Variants in SLCO4C1 observed in about 807,000 individuals in gnomAD.
SLCO4C1 encodes organic anion transporter M1.
In SLCO4C1, 58 loss-of-function variants were observed where a neutral mutation model predicts 72.1. The ratio of observed to expected loss-of-function variants is 0.80; its 90% confidence interval spans 0.65 to 1.00. SLCO4C1 has a LOEUF of 1.00. Ranked by LOEUF, SLCO4C1 falls within the 50% of genes least tolerant of loss-of-function variation. The probability of loss-of-function intolerance (pLI) is 0.00; values close to 1 mark genes in which losing one functional copy is unlikely to be tolerated. For synonymous variants in SLCO4C1, 297 were observed against 312.5 expected (o/e 0.95, Z 0.52); for missense variants, 898 against 857.9 (o/e 1.05, Z -0.58).
chr5:102,266,265 C>T (rs1479607690), intron 3 of SLCO4C1, among the ~76,000 whole-genome samples: 6 of 152,036 alleles, frequency 3.9e-5, no homozygotes, highest in African/African-American at 1.4e-4. Flanking sequence ...AATTTGGCTT[C>T]CTCTTCTCCA....
chr5:102,285,272 C>T (rs844508), intron 2 of SLCO4C1, among the ~76,000 whole-genome samples: 119,958 of 151,198 alleles, frequency 0.79, 47,918 homozygotes, highest in African/African-American at 0.89. Flanking sequence ...CACACACACA[C>T]ATATATATTT....
At chr5:102,256,078 C>T (rs368248603) in intron 8 of SLCO4C1, among the ~76,000 whole-genome samples, 5 of 152,172 alleles carry the variant, frequency 3.3e-5, no homozygotes, top group Admixed American at 3.3e-4. Context: ...TGGTGGCATG[C>T]GCCTGTAGTC....
rs540532342 is a variant in SLCO4C1 at position 102,283,631 on chromosome 5, CACAA to C, written c.619+7708_619+7711del. On this transcript the variant is annotated intron_variant, in intron 2 of 12. Transcript: ENST00000310954. ...GACATTGCTTAATCATTACCTTCCACACAATATATCTGGTTAGACACAACTACGC... is the reference window on the plus strand; with the variant it reads ...GACATTGCTTAATCATTACCTTCCACTATATCTGGTTAGACACAACTACGC... Among the ~76,000 whole-genome samples the C allele has an allele frequency of 2.5e-3, 384 of 150,594 alleles. 1 individual carries two copies. The highest frequency in any genetic ancestry group is 8.8e-3 in the African/African-American group (363 of 41,100).
chr5:102,257,368 T>C (rs1288032087), intron 7 of SLCO4C1, 58 bp from the exon 8 acceptor site: 4 of 1,334,322 alleles, frequency 3.0e-6, no homozygotes, highest in Non-Finnish European at 4.0e-6. Flanking sequence ...TCACTCATAC[T>C]GACAACTGGA....
chr5:102,272,788 C>A (rs1749176978), intron 2 of SLCO4C1, among the ~76,000 whole-genome samples: 1 of 151,632 alleles, frequency 6.6e-6, no homozygotes, highest in Non-Finnish European at 1.5e-5. Flanking sequence ...AAACCCGTCT[C>A]TACTGAAAAT....
At chr5:102,242,771 A>G (rs928057175) in intron 10 of SLCO4C1, among the ~76,000 whole-genome samples, 7 of 152,158 alleles carry the variant, frequency 4.6e-5, no homozygotes, top group East Asian at 1.9e-4. Context: ...GACTCAGCAC[A>G]TTACCAGCTT....
At chr5:102,258,674 A>G (rs890008841) in intron 6 of SLCO4C1, among the ~76,000 whole-genome samples, 19 of 152,062 alleles carry the variant, frequency 1.2e-4, no homozygotes, top group Admixed American at 1.2e-3. Flanking sequence ...AATACATTTA[A>G]CCACAAAATG....
At chr5:102,241,979 A>T (rs1362997841) in intron 10 of SLCO4C1, among the ~76,000 whole-genome samples, 1 of 152,194 alleles carries the variant, frequency 6.6e-6, no homozygotes, top group Non-Finnish European at 1.5e-5. Context: ...AATCTCAGAC[A>T]CCACACCTCC....
At chr5:102,239,469 A>G in intron 11 of SLCO4C1, 81 bp from the exon 12 acceptor site, 1 of 987,946 alleles carries the variant, frequency 1.0e-6, no homozygotes, top group Non-Finnish European at 1.4e-6. Flanking sequence ...GATCATACAT[A>G]TATTTTATAG....
chr5:102,281,542 T>C (rs1400506140), intron 2 of SLCO4C1, among the ~76,000 whole-genome samples: 1 of 152,108 alleles, frequency 6.6e-6, no homozygotes, highest in African/African-American at 2.4e-5. Flanking sequence ...CAAACTAGCA[T>C]GTGACAAGAC....
intron 1 of SLCO4C1, among the ~76,000 whole-genome samples, chr5:102,292,493 GTC>G (rs1749575436): frequency 1.3e-5 from 2 of 152,094 alleles, no homozygotes; most frequent in South Asian, 4.1e-4. Context: ...CCTTGATTTA[GTC>G]TTAGGAAGAA....
chr5:102,243,167 T>C (rs72777927), intron 10 of SLCO4C1, among the ~76,000 whole-genome samples: 13,331 of 152,196 alleles, frequency 0.088, 656 homozygotes, highest in East Asian at 0.17. Flanking sequence ...GTGGTTTCCA[T>C]GCCAGCTTAG....
intron 6 of SLCO4C1, 29 bp downstream of exon 6, chr5:102,260,184 G>T: frequency 1.1e-6 from 1 of 889,250 alleles, no homozygotes; most frequent in Non-Finnish European, 1.6e-6. Flanking sequence ...ATGAGACTGA[G>T]AGAGAGACAG....
intron 2 of SLCO4C1, among the ~76,000 whole-genome samples, chr5:102,283,467 CAG>C (rs1289223531): frequency 6.6e-6 from 1 of 150,592 alleles, no homozygotes; most frequent in African/African-American, 2.4e-5. Flanking sequence ...TAAAATGAAA[CAG>C]AAAAAATATA....
At chr5:102,279,515 C>G (rs1485513375) in intron 2 of SLCO4C1, among the ~76,000 whole-genome samples, 1 of 151,920 alleles carries the variant, frequency 6.6e-6, no homozygotes, top group Non-Finnish European at 1.5e-5. Flanking sequence ...AAATTAAAAT[C>G]AATTTCAGAA....
intron 8 of SLCO4C1, among the ~76,000 whole-genome samples, chr5:102,255,707 A>C (rs550484573): frequency 6.6e-6 from 1 of 152,222 alleles, no homozygotes; most frequent in African/African-American, 2.4e-5. Context: ...ACCCCATTTC[A>C]CTATTATGCT....
At chr5:102,293,387 G>A (rs1451808293) in intron 1 of SLCO4C1, among the ~76,000 whole-genome samples, 1 of 151,858 alleles carries the variant, frequency 6.6e-6, no homozygotes, top group Non-Finnish European at 1.5e-5. Flanking sequence ...TTAATCCAAT[G>A]ACTCTTAAAG....
At chr5:102,273,468 C>T (rs1187129919) in intron 2 of SLCO4C1, among the ~76,000 whole-genome samples, 2 of 151,956 alleles carry the variant, frequency 1.3e-5, no homozygotes. Flanking sequence ...GTCACTTATG[C>T]AGAAGGAAAT....
At chr5:102,239,484 A>T (rs1300264070) in intron 11 of SLCO4C1, 96 bp from the exon 12 acceptor site, 2 of 868,120 alleles carry the variant, frequency 2.3e-6, no homozygotes, top group African/African-American at 3.5e-5. Flanking sequence ...TTATAGAAAT[A>T]AAAATAAGTA....
Sources: gnomAD v4.1 joint callset for allele counts (sites outside exome capture counted in the v4.1 genomes callset) on GRCh38, gnomAD v4.1.1 for gene constraint, MANE v1.5 for transcripts, NCBI Gene and HGNC (gene_info 2026-07-23, HGNC 2026-07-21) for gene names.